The following SH3RF3 variants were observed in gnomAD, a reference collection of about 807,000 sequenced individuals.
SH3RF3 encodes the protein SH3 domain containing ring finger 3, also known as E3 ubiquitin-protein ligase SH3RF3.
In SH3RF3, 29 loss-of-function variants were observed where a neutral mutation model predicts 66.3. The ratio of observed to expected loss-of-function variants is 0.44; its 90% CI spans 0.33 to 0.60. The LOEUF (loss-of-function observed/expected upper bound fraction) is 0.60, where lower values mean the gene tolerates loss of function less well. SH3RF3 is among the 20% of genes least tolerant of loss of function. The pLI is 0.04. For missense variants in SH3RF3, 1,194 were observed against 1,190.9 expected, an observed-to-expected ratio of 1.00 and a Z score of -0.04; for synonymous variants, 583 against 532.0, an observed-to-expected ratio of 1.10 and a Z score of -1.32.
At position 109,436,345 on chromosome 2, in the gene SH3RF3, T is replaced by G. The variant is rs544871065; in HGVS notation, c.1575-548T>G. 2.6e-5 allele frequency among the ~76,000 whole-genome samples: 4 copies of G among 152,324 alleles called. No individual in the cohort carries two copies. In the South Asian group the frequency reaches 8.3e-4, roughly 32 times the overall value. Reference sequence around the variant, plus strand: ...GTTCCTCTTGTGTGAGCTGATGTCATCTGGAAACTTCGGAGTGAAAGGGCA... The same window carrying G: ...GTTCCTCTTGTGTGAGCTGATGTCAGCTGGAAACTTCGGAGTGAAAGGGCA... On this transcript the variant is annotated intron_variant, in intron 6 of 9. Coordinates refer to ENST00000309415, the MANE Select transcript of SH3RF3 (RefSeq NM_001099289.3).
At chr2:109,240,343 T>G (rs1320967733) in intron 1 of SH3RF3, among the ~76,000 whole-genome samples, 1 of 152,028 alleles carries the variant, frequency 6.6e-6, no homozygotes, top group Non-Finnish European at 1.5e-5. Context: ...AAAAAATTAG[T>G]CAGGTGTGGT....
intron 8 of SH3RF3, among the ~76,000 whole-genome samples, chr2:109,453,343 G>T (rs1168693013): frequency 7.3e-6 from 1 of 136,106 alleles, no homozygotes; most frequent in African/African-American, 3.7e-5. Context: ...GTTTTAAAAG[G>T]TGGTCTTCAG....
At chr2:109,200,929 A>G (rs1299538337) in intron 1 of SH3RF3, among the ~76,000 whole-genome samples, 1 of 152,104 alleles carries the variant, frequency 6.6e-6, no homozygotes, top group Non-Finnish European at 1.5e-5. Context: ...CTGTTGGGAT[A>G]GTGCAGACCT....
chr2:109,211,998 T>A (rs1018932007), intron 1 of SH3RF3, among the ~76,000 whole-genome samples: 1 of 152,228 alleles, frequency 6.6e-6, no homozygotes, highest in Admixed American at 6.5e-5. Context: ...TGCCACTGAA[T>A]TCAATAAATG....
chr2:109,166,082 G>A (rs1677614721), intron 1 of SH3RF3, among the ~76,000 whole-genome samples: 1 of 152,204 alleles, frequency 6.6e-6, no homozygotes, highest in Non-Finnish European at 1.5e-5. Flanking sequence ...ACCTTTCAGA[G>A]TGGAGACTGG....
At chr2:109,184,123 G>A (rs977338470) in intron 1 of SH3RF3, among the ~76,000 whole-genome samples, 2 of 152,194 alleles carry the variant, frequency 1.3e-5, no homozygotes, top group Non-Finnish European at 2.9e-5. Flanking sequence ...GTAGTCTCCT[G>A]CATGTGCTTC....
At chr2:109,282,351 C>A (rs1170514350) in intron 1 of SH3RF3, among the ~76,000 whole-genome samples, 1 of 152,098 alleles carries the variant, frequency 6.6e-6, no homozygotes. Flanking sequence ...AAAAAATCTA[C>A]CCCAGGGGAA....
At chr2:109,280,507 G>A (rs1404575757) in intron 1 of SH3RF3, among the ~76,000 whole-genome samples, 1 of 152,166 alleles carries the variant, frequency 6.6e-6, no homozygotes, top group Non-Finnish European at 1.5e-5. Context: ...CCAGACTGGG[G>A]CTCCACTGGG....
chr2:109,155,561 A>G (rs1462738320), intron 1 of SH3RF3, among the ~76,000 whole-genome samples: 1 of 152,128 alleles, frequency 6.6e-6, no homozygotes, highest in Non-Finnish European at 1.5e-5. Context: ...TCAGCCTCCC[A>G]AAGTGCTGGG....
intron 9 of SH3RF3, among the ~76,000 whole-genome samples, chr2:109,495,851 G>C (rs1679245478): frequency 6.6e-6 from 1 of 152,142 alleles, no homozygotes; most frequent in African/African-American, 2.4e-5. Flanking sequence ...AATAATACAT[G>C]TCTGGGTATA....
intron 4 of SH3RF3, among the ~76,000 whole-genome samples, chr2:109,406,673 G>A (rs1041739179): frequency 3.9e-5 from 6 of 152,216 alleles, no homozygotes; most frequent in East Asian, 1.9e-4. Flanking sequence ...ATATTGAGGC[G>A]TTCTGACAGA....
In SH3RF3 at chr2:109,503,639, G is replaced by C. The variant is rs1679453438; in HGVS notation, c.*1968G>C. 1 of 152,202 alleles carries C rather than the reference G, an allele frequency of 6.6e-6. No individual in the cohort carries two copies. Among genetic ancestry groups the C allele is most frequent in the South Asian group, 2.1e-4 (1 of 4,828 alleles). The allele number at this position is 152,202 out of a possible 1,614,324, so 9.4% of individuals were successfully genotyped here. A position where few individuals can be genotyped will look rare whatever the true frequency, so the allele number is the denominator to read the frequency against. Reference sequence around the variant, plus strand: ...TCCTGTGCGTGTTTAAATTCACGTTGTCACCAAAGAGGTGCACAGATCAAC... The same window carrying C: ...TCCTGTGCGTGTTTAAATTCACGTTCTCACCAAAGAGGTGCACAGATCAAC... On this transcript the variant is annotated 3_prime_UTR_variant, in exon 10 of 10. Coordinates refer to ENST00000309415, the MANE Select transcript of SH3RF3 (RefSeq NM_001099289.3).
intron 2 of SH3RF3, among the ~76,000 whole-genome samples, chr2:109,365,218 T>C (rs1418878169): frequency 1.3e-5 from 2 of 152,224 alleles, no homozygotes; most frequent in South Asian, 2.1e-4. Context: ...TTCTCTGATA[T>C]TCACTATGAA....
chr2:109,210,357 T>G (rs2105104024), intron 1 of SH3RF3, among the ~76,000 whole-genome samples: 1 of 152,366 alleles, frequency 6.6e-6, no homozygotes, highest in Middle Eastern at 3.4e-3. Context: ...GTCACTGATC[T>G]GTGAAGTCCA....
intron 1 of SH3RF3, among the ~76,000 whole-genome samples, chr2:109,154,175 A>G (rs202201102): frequency 3.9e-5 from 6 of 152,208 alleles, no homozygotes; most frequent in East Asian, 1.9e-4. Flanking sequence ...TCATCCCTAC[A>G]TGGGGCTCAG....
intron 1 of SH3RF3, among the ~76,000 whole-genome samples, chr2:109,327,391 A>G (rs1388033439): frequency 6.6e-6 from 1 of 152,142 alleles, no homozygotes; most frequent in Non-Finnish European, 1.5e-5. Flanking sequence ...TCTATTGTTG[A>G]TTAAACTATT....
At chr2:109,490,269 G>A (rs540990731) in intron 8 of SH3RF3, among the ~76,000 whole-genome samples, 23 of 152,222 alleles carry the variant, frequency 1.5e-4, no homozygotes, top group African/African-American at 3.1e-4. Flanking sequence ...CTTACTGCTT[G>A]ACTCCGGAGC....
chr2:109,347,836 A>C lies in SH3RF3; in HGVS notation c.736A>C (p.Ser246Arg), dbSNP rs1313293512. ...LHGTQGFLPASYIQCIQPLPH... is the reference protein window; with the variant it reads ...LHGTQGFLPARYIQCIQPLPH... Reference sequence around the variant, plus strand: ...CGGCACACAGGGCTTCCTCCCAGCCAGCTATATCCAGTGCATCCAGCCCTT... The same window carrying C: ...CGGCACACAGGGCTTCCTCCCAGCCCGCTATATCCAGTGCATCCAGCCCTT... Residue 246 changes from serine (S) to arginine (R), a missense_variant, in exon 2 of 10, where the codon AGC becomes CGC. Coordinates refer to ENST00000309415, the MANE Select transcript of SH3RF3 (RefSeq NM_001099289.3). 1 of 1,613,854 alleles carries C rather than the reference A, an allele frequency of 6.2e-7. No homozygotes were observed. Among genetic ancestry groups the C allele is most frequent in the African/African-American group, 1.3e-5 (1 of 74,942 alleles).
chr2:109,413,829 G>C (rs1165240859), intron 4 of SH3RF3, among the ~76,000 whole-genome samples: 1 of 152,232 alleles, frequency 6.6e-6, no homozygotes, highest in Non-Finnish European at 1.5e-5. Flanking sequence ...CAAGCCAGGA[G>C]TGAGGGCTTT....
Sources: gnomAD v4.1 joint callset for allele counts (sites outside exome capture counted in the v4.1 genomes callset) on GRCh38, gnomAD v4.1.1 for gene constraint, MANE v1.5 for transcripts, NCBI Gene and HGNC (gene_info 2026-07-23, HGNC 2026-07-21) for gene names.